The following ACOT8 variants were observed in gnomAD, a reference collection of about 807,000 sequenced individuals.
ACOT8 encodes acyl-CoA thioesterase 8, also known as acyl-coenzyme A thioesterase 8.
In ACOT8, 31 loss-of-function variants were observed where a neutral mutation model predicts 38.4. That is an observed-to-expected ratio of 0.81 (90% CI 0.61 to 1.09). The LOEUF is 1.09. Among genes scored for constraint, ACOT8 ranks in the 50% least tolerant of loss-of-function variants. The pLI is 0.00. For synonymous variants in ACOT8, 158 were observed against 170.3 expected, an observed-to-expected ratio of 0.93 and a Z score of 0.56; for missense variants, 373 against 421.8, an observed-to-expected ratio of 0.88 and a Z score of 1.01.
chr20:45,846,855 G>A (rs1984716779), intron 3 of ACOT8, among the ~76,000 whole-genome samples: 1 of 152,106 alleles, frequency 6.6e-6, no homozygotes, highest in Admixed American at 6.5e-5. Context: ...CATGCTCCCT[G>A]GTGGTCTAAT....
At chr20:45,854,234 C>G (rs578140340) in intron 2 of ACOT8, among the ~76,000 whole-genome samples, 10 of 151,734 alleles carry the variant, frequency 6.6e-5, no homozygotes, top group African/African-American at 1.9e-4. Flanking sequence ...CTCTGTTGCC[C>G]AGGCTGGAGT....
In ACOT8 at chr20:45,842,413, G is replaced by C. The variant is rs540070595; in HGVS notation, c.842-457C>G. ...AGAACTGCTGTACCTCTGACCACTT[G>C]TGTTAGGAAAACTATCGGCTCCCTG... On this transcript the variant is annotated intron_variant, in intron 5 of 5. Coordinates refer to ENST00000217455, the MANE Select transcript of ACOT8 (RefSeq NM_005469.4). 8.1e-5 allele frequency: 95 copies of C among 1,167,646 alleles called. No homozygotes were observed. In the South Asian group the frequency reaches 1.1e-3, roughly 14 times the overall value. The allele number at this position is 1,167,646 out of a possible 1,614,324, so 72.3% of individuals were successfully genotyped here.
chr20:45,848,546 G>T lies in ACOT8; in HGVS notation c.392C>A (p.Ala131Asp), dbSNP rs780923526. ...IFICQASFQQ[A>D]QPSPMQHQFS... ...CTGGTGCTGCATGGGGCTGGGCTGG[G>T]CCTGCTGGAAGGAGGCCTGGCAGAT... The change falls in exon 3 of 6, where the codon GCC becomes GAC. Residue 131 changes from alanine (A) to aspartate (D), a missense_variant. Transcript: ENST00000217455. The T allele has an allele frequency of 3.7e-6, 6 of 1,614,050 alleles. No individual in the cohort carries two copies. The East Asian group carries it at 1.3e-4, about 36-fold the overall frequency.
At chr20:45,857,071 G>C in intron 1 of ACOT8, 117 bp downstream of exon 1, 2 of 1,237,968 alleles carry the variant, frequency 1.6e-6, no homozygotes, top group Non-Finnish European at 2.3e-6. Flanking sequence ...AATCGTGGCA[G>C]AGGGTGCATC....
Position 45,844,891 on chromosome 20 carries a change from G to A in ACOT8, c.489-471C>T, listed in dbSNP as rs182404384. On this transcript the variant is annotated intron_variant, in intron 3 of 5. Transcript: ENST00000217455. Reference sequence around the variant, plus strand: ...CTTAAAAATTGGAGAGACAGGATTTGGACTCAGGCAATCTGGGTCCACAGT... The same window carrying A: ...CTTAAAAATTGGAGAGACAGGATTTAGACTCAGGCAATCTGGGTCCACAGT... Among the ~76,000 whole-genome samples the A allele has an allele frequency of 2.3e-3, 352 of 152,206 alleles. 1 individual carries two copies. Among genetic ancestry groups the A allele is most frequent in the Non-Finnish European group, 4.0e-3 (270 of 68,014 alleles).
In ACOT8 at chr20:45,857,388, C is replaced by T; in HGVS notation, c.-73G>A. 2 of 1,506,516 alleles carry T rather than the reference C, an allele frequency of 1.3e-6. No homozygotes were observed. The highest frequency in any genetic ancestry group is 2.5e-5 in the East Asian group (1 of 39,868). 93.3% of individuals were successfully genotyped at this position (1,506,516 alleles called of 1,614,324 possible). A position where few individuals can be genotyped will look rare whatever the true frequency, so the allele number is the denominator to read the frequency against. On this transcript the variant is annotated 5_prime_UTR_variant, in exon 1 of 6. Coordinates refer to ENST00000217455, the MANE Select transcript of ACOT8 (RefSeq NM_005469.4). ...GAGACATACACAGAACCTGACTCTT[C>T]CGGCAGATTGCCCTAGTAACCGGAA... is the stretch of plus-strand genomic sequence containing the variant.
At position 45,845,330 on chromosome 20, in the gene ACOT8, G is replaced by A. The variant is rs570244765; in HGVS notation, c.489-910C>T. On this transcript the variant is annotated intron_variant, in intron 3 of 5. Transcript: ENST00000217455. ...TCTCGAATTCCTGACCTCATGATCC[G>A]CCCGCCTCAGCCTCCCAAAATGCTG... Among the ~76,000 whole-genome samples, 6 of 151,916 alleles carry A rather than the reference G, an allele frequency of 3.9e-5. No individual in the cohort carries two copies. In the East Asian group the frequency reaches 7.7e-4, roughly 20 times the overall value.
chr20:45,856,491 C>T (rs1184644283), intron 1 of ACOT8, among the ~76,000 whole-genome samples: 1 of 151,702 alleles, frequency 6.6e-6, no homozygotes, highest in Non-Finnish European at 1.5e-5. Flanking sequence ...ACCAGCCTGG[C>T]CAACACGGTG....
At chr20:45,854,322 G>A (rs1419350833) in intron 2 of ACOT8, among the ~76,000 whole-genome samples, 1 of 142,772 alleles carries the variant, frequency 7.0e-6, no homozygotes, top group East Asian at 1.9e-4. Context: ...CCATTCTCCT[G>A]CCTCAGCCTC....
intron 2 of ACOT8, among the ~76,000 whole-genome samples, chr20:45,849,350 T>G (rs1984910327): frequency 6.6e-6 from 1 of 152,104 alleles, no homozygotes; most frequent in Non-Finnish European, 1.5e-5. Flanking sequence ...AGTGGTGTAA[T>G]CTCGGCTCAC....
chr20:45,852,129 A>T (rs1985103546), intron 2 of ACOT8, among the ~76,000 whole-genome samples: 1 of 150,926 alleles, frequency 6.6e-6, no homozygotes, highest in Non-Finnish European at 1.5e-5. Context: ...CAGCCTCCCG[A>T]GTAGCTGGGA....
chr20:45,851,421 G>A (rs558667987), intron 2 of ACOT8, among the ~76,000 whole-genome samples: 2 of 152,310 alleles, frequency 1.3e-5, no homozygotes, highest in African/African-American at 2.4e-5. Flanking sequence ...AAGCTAAAGT[G>A]CAGATTCCTG....
Position 45,844,347 on chromosome 20 carries a change from T to C in ACOT8, c.562A>G (p.Lys188Glu). The C allele has an allele frequency of 6.2e-7, 1 of 1,614,180 alleles. No homozygotes were observed. The highest frequency in any genetic ancestry group is 8.5e-7 in the Non-Finnish European group (1 of 1,180,036). Reference sequence around the variant, plus strand: ...CTCAGGGGGGATGGGTTTACTGGCTTGATCTCAATGGGGACCTCCTGAGCA... The same window carrying C: ...CTCAGGGGGGATGGGTTTACTGGCTCGATCTCAATGGGGACCTCCTGAGCA... ...IAAQEVPIEI[K>E]PVNPSPLSQL... The change falls in exon 4 of 6, where the codon AAG (lysine) becomes GAG (glutamate). Residue 188 changes from lysine to glutamate, a missense_variant. Coordinates refer to ENST00000217455, the MANE Select transcript of ACOT8 (RefSeq NM_005469.4).
chr20:45,845,153 A>G (rs1040393944), intron 3 of ACOT8, among the ~76,000 whole-genome samples: 1 of 151,990 alleles, frequency 6.6e-6, no homozygotes, highest in Non-Finnish European at 1.5e-5. Context: ...CGGTGGTGCA[A>G]TCTCAGCTGA....
chr20:45,850,489 TTGC>T (rs1984991893), intron 2 of ACOT8, among the ~76,000 whole-genome samples: 1 of 152,222 alleles, frequency 6.6e-6, no homozygotes, highest in Non-Finnish European at 1.5e-5. Flanking sequence ...CCTGTGCTGG[TTGC>T]TGCTATTGTG....
chr20:45,849,328 AGGCTGGAGTACAGTGGTGTAAT>A (rs1451855167), intron 2 of ACOT8, among the ~76,000 whole-genome samples: 2 of 152,164 alleles, frequency 1.3e-5, no homozygotes, highest in African/African-American at 4.8e-5. Context: ...TCTGTCACCC[AGGCTGGAGTACAGTGGTGTAAT>A]CTCGGCTCAC....
At chr20:45,842,701 A>G in intron 5 of ACOT8, 5 of 989,086 alleles carry the variant, frequency 5.1e-6, no homozygotes, top group Non-Finnish European at 6.0e-6. Flanking sequence ...TGTGTTGTCC[A>G]GTTTTCCAGA....
chr20:45,856,680 A>G (rs2868359), intron 1 of ACOT8, among the ~76,000 whole-genome samples: 78,442 of 152,080 alleles, frequency 0.52, 20,807 homozygotes, highest in Admixed American at 0.6. Flanking sequence ...ACTCCGCCTC[A>G]AAGAAAGAAA....
intron 2 of ACOT8, chr20:45,853,853 A>G (rs1985217812): frequency 8.8e-7 from 1 of 1,142,162 alleles, no homozygotes; most frequent in Non-Finnish European, 1.2e-6. Flanking sequence ...ATTTACCATT[A>G]CAGGGATAAC....
Sources: gnomAD v4.1 joint callset for allele counts (sites outside exome capture counted in the v4.1 genomes callset) on GRCh38, gnomAD v4.1.1 for gene constraint, MANE v1.5 for transcripts, NCBI Gene and HGNC (gene_info 2026-07-23, HGNC 2026-07-21) for gene names.